The following KBTBD12 variants were observed in gnomAD, a reference collection of about 807,000 sequenced individuals.
The protein encoded by KBTBD12 is kelch repeat and BTB domain-containing protein 12.
In KBTBD12, 53 loss-of-function variants were observed where a neutral mutation model predicts 58.7. That is an observed-to-expected ratio of 0.90 (90% CI 0.72 to 1.14). The LOEUF is 1.14. Among genes scored for constraint, KBTBD12 ranks in the 50% most tolerant of loss-of-function variants. The pLI, the probability that KBTBD12 is intolerant of heterozygous loss-of-function variation, is 0.00. For synonymous variants in KBTBD12, 236 were observed against 259.8 expected (o/e 0.91, Z 0.88); for missense variants, 704 against 751.3 (o/e 0.94, Z 0.74).
intron 4 of KBTBD12, among the ~76,000 whole-genome samples, chr3:127,941,395 A>G (rs760516609): frequency 3.3e-5 from 5 of 152,202 alleles, no homozygotes; most frequent in Non-Finnish European, 5.9e-5. Flanking sequence ...AATATGATCT[A>G]CCATATTATA....
intron 5 of KBTBD12, among the ~76,000 whole-genome samples, chr3:127,968,177 C>T (rs1395639427): frequency 6.6e-6 from 1 of 152,162 alleles, no homozygotes; most frequent in African/African-American, 2.4e-5. Context: ...ATCTCTGACC[C>T]AGAAGTCTTA....
intron 5 of KBTBD12, among the ~76,000 whole-genome samples, chr3:127,979,989 T>A (rs963142257): frequency 1.3e-5 from 2 of 152,220 alleles, no homozygotes; most frequent in Non-Finnish European, 2.9e-5. Flanking sequence ...CAGCTGGAGA[T>A]GTTAAAACAT....
At chr3:127,959,625 A>G (rs2107608124) in intron 4 of KBTBD12, among the ~76,000 whole-genome samples, 1 of 152,376 alleles carries the variant, frequency 6.6e-6, no homozygotes, top group East Asian at 1.9e-4. Flanking sequence ...TGCCTCCTGC[A>G]TGCTAGCCAT....
chr3:127,925,951 T>A (rs1040702899), intron 2 of KBTBD12, among the ~76,000 whole-genome samples: 7 of 152,212 alleles, frequency 4.6e-5, no homozygotes, highest in African/African-American at 1.4e-4. Context: ...AGCTTGCCTC[T>A]ACTCATAGAT....
chr3:127,938,285 A>G (rs1278459976), intron 4 of KBTBD12, among the ~76,000 whole-genome samples: 1 of 152,206 alleles, frequency 6.6e-6, no homozygotes, highest in Non-Finnish European at 1.5e-5. Flanking sequence ...TATAATAACA[A>G]GTTGGGACAG....
rs375914324 is a variant in KBTBD12, at chr3:127,927,763, G to C, written c.1071-1G>C. 2.0e-6 allele frequency: 3 copies of C among 1,499,342 alleles called. No individual in the cohort carries two copies. The African/African-American group carries it at 4.2e-5, about 21-fold the overall frequency. The allele number at this position is 1,499,342 out of a possible 1,614,324, so 92.9% of individuals were successfully genotyped here. On this transcript the variant is annotated splice_acceptor_variant, in intron 2 of 5. Coordinates refer to ENST00000405109, the MANE Select transcript of KBTBD12 (RefSeq NM_207335.4). LOFTEE classifies it high-confidence loss of function. ...CTGGATACTCTCTCTCTCTTTTGCA[G>C]GTATCATGATAGAGGAAACCAGTTT...
Position 127,959,932 on chromosome 3 carries a change from G to A in KBTBD12, c.1493-3257G>A, listed in dbSNP as rs577343111. 3.9e-4 allele frequency among the ~76,000 whole-genome samples: 60 copies of A among 152,344 alleles called. 1 individual carries two copies. The highest frequency in any genetic ancestry group is 1.3e-3 in the African/African-American group (54 of 41,582). On this transcript the variant is annotated intron_variant, in intron 4 of 5. Coordinates refer to ENST00000405109, the MANE Select transcript of KBTBD12 (RefSeq NM_207335.4). ...AGTCCACATGCTTTTTCCAAGGCAC[G>A]TGGGTGCCGACAATAGTAAATATAT...
Position 127,939,338 on chromosome 3 carries a change from G to A in KBTBD12, c.1492+9055G>A, listed in dbSNP as rs1939897603. On this transcript the variant is annotated intron_variant, in intron 4 of 5. Transcript: ENST00000405109. The stretch of plus-strand genomic sequence containing the variant: ...TCCAAATGCAGAAATATATGGCAGA[G>A]AGGGGTAACTAGAACCTCAAGTTTC... 2.0e-5 allele frequency among the ~76,000 whole-genome samples: 3 copies of A among 152,166 alleles called. No individual in the cohort carries two copies. In the South Asian group the frequency reaches 6.2e-4, roughly 32 times the overall value.
intron 4 of KBTBD12, among the ~76,000 whole-genome samples, chr3:127,942,731 A>G (rs1939983393): frequency 6.7e-6 from 1 of 149,398 alleles, no homozygotes; most frequent in Non-Finnish European, 1.5e-5. Flanking sequence ...ACTATAGTCC[A>G]TCTTGTGTTG....
chr3:127,983,942 C>T (rs1414410663), intron 5 of KBTBD12, among the ~76,000 whole-genome samples, 155 bp from the exon 6 acceptor site: 1 of 152,152 alleles, frequency 6.6e-6, no homozygotes, highest in Non-Finnish European at 1.5e-5. Context: ...AATGTCTTTT[C>T]TTGATAAACT....
At chr3:127,952,532 T>C (rs1010924715) in intron 4 of KBTBD12, among the ~76,000 whole-genome samples, 52 of 152,234 alleles carry the variant, frequency 3.4e-4, no homozygotes, top group African/African-American at 1.3e-3. Context: ...TACATATAAA[T>C]AGATTTTACA....
intron 4 of KBTBD12, among the ~76,000 whole-genome samples, chr3:127,962,970 A>G (rs534174805): frequency 2.0e-5 from 3 of 152,378 alleles, no homozygotes; most frequent in African/African-American, 7.2e-5. Flanking sequence ...ATGATCACAA[A>G]CAAGGAGAAC....
At position 127,963,359 on chromosome 3, in the gene KBTBD12, T is replaced by C; in HGVS notation, c.1663T>C (p.Tyr555His). The change falls in exon 5 of 6, where the codon TAT becomes CAT. Residue 555 changes from tyrosine to histidine, a missense_variant. Physicochemically the swap from Tyr to His is moderately conservative, Grantham distance 83 (BLOSUM62 2). Coordinates refer to ENST00000405109, the MANE Select transcript of KBTBD12 (RefSeq NM_207335.4). ...TNAGAVDGKL[Y>H]VCGGFHGADR... Reference sequence around the variant, plus strand: ...TGCAGGGGCAGTGGATGGGAAACTCTATGTCTGCGGGGGATTCCATGGAGC... The same window carrying C: ...TGCAGGGGCAGTGGATGGGAAACTCCATGTCTGCGGGGGATTCCATGGAGC... 1 of 1,611,664 alleles carries C rather than the reference T, an allele frequency of 6.2e-7. No individual in the cohort carries two copies. The highest frequency in any genetic ancestry group is 8.5e-7 in the Non-Finnish European group (1 of 1,178,984).
At chr3:127,957,679 T>A (rs1324290426) in intron 4 of KBTBD12, among the ~76,000 whole-genome samples, 1 of 152,068 alleles carries the variant, frequency 6.6e-6, no homozygotes, top group Non-Finnish European at 1.5e-5. Context: ...GAAAAAAAGA[T>A]ACCTAGGACA....
chr3:127,925,122 G>C (rs894225674), intron 2 of KBTBD12, among the ~76,000 whole-genome samples: 1 of 152,180 alleles, frequency 6.6e-6, no homozygotes, highest in Non-Finnish European at 1.5e-5. Flanking sequence ...TCTGTCTCAA[G>C]CCATAGTCCT....
chr3:127,935,635 T>G (rs1939813820), intron 4 of KBTBD12, among the ~76,000 whole-genome samples: 1 of 151,932 alleles, frequency 6.6e-6, no homozygotes, highest in Admixed American at 6.6e-5. Context: ...TAAAAATGTG[T>G]TAAATACAAG....
At position 127,945,149 on chromosome 3, in the gene KBTBD12, A is replaced by T. The variant is rs568984697; in HGVS notation, c.1492+14866A>T. 1.4e-3 allele frequency among the ~76,000 whole-genome samples: 165 copies of T among 115,682 alleles called. 1 individual carries two copies. Among genetic ancestry groups the T allele is most frequent in the African/African-American group, 4.7e-3 (144 of 30,636 alleles). The allele number at this position is 115,682 out of a possible 152,430, so 75.9% of individuals were successfully genotyped here. ...TGGTTGTTTTCTGTGTGTTTTTTTT[A>T]AAAATAGTAGCTATCTTTTTTTTTT... On this transcript the variant is annotated intron_variant, in intron 4 of 5. Coordinates refer to ENST00000405109, the MANE Select transcript of KBTBD12 (RefSeq NM_207335.4).
chr3:127,950,441 T>G (rs896501379), intron 4 of KBTBD12, among the ~76,000 whole-genome samples: 118 of 152,302 alleles, frequency 7.7e-4, no homozygotes, highest in African/African-American at 2.0e-3. Flanking sequence ...AAAGTAAGCC[T>G]TTTTAAATAA....
chr3:127,938,933 A>G (rs149975689), intron 4 of KBTBD12, among the ~76,000 whole-genome samples: 4 of 152,286 alleles, frequency 2.6e-5, no homozygotes, highest in African/African-American at 9.6e-5. Flanking sequence ...TTTAAGTACC[A>G]CTACCATAGG....
Sources: gnomAD v4.1 joint callset for allele counts (sites outside exome capture counted in the v4.1 genomes callset) on GRCh38, gnomAD v4.1.1 for gene constraint, MANE v1.5 for transcripts, NCBI Gene and HGNC (gene_info 2026-07-23, HGNC 2026-07-21) for gene names.